The following SNAP47 variants were observed in gnomAD, a reference collection of about 807,000 sequenced individuals.
SNAP47 encodes synaptosome associated protein 47.
Under a neutral mutation model 31.4 loss-of-function variants are expected in SNAP47, and 20 were observed. The ratio of observed to expected loss-of-function variants is 0.64; its 90% CI spans 0.45 to 0.93. The LOEUF (loss-of-function observed/expected upper bound fraction) is 0.93. Ranked by LOEUF, SNAP47 falls within the 40% of genes least tolerant of loss-of-function variation. The probability of loss-of-function intolerance (pLI) is 0.00; values close to 1 mark genes in which losing one functional copy is unlikely to be tolerated. For synonymous variants in SNAP47, 194 were observed against 213.4 expected (o/e 0.91, Z 0.79); for missense variants, 492 against 528.5 (o/e 0.93, Z 0.68).
upstream of SNAP47, chr1:227,733,016 G>A (rs1167395635): frequency 6.2e-7 from 1 of 1,613,392 alleles, no homozygotes; most frequent in Non-Finnish European, 8.5e-7. Flanking sequence ...GGTTGATGGA[G>A]ATGGTGTCAT....
At position 227,756,600 on chromosome 1, in the gene SNAP47, G is replaced by A. The variant is rs117489068; in HGVS notation, c.498-2395G>A. On this transcript the variant is annotated intron_variant, in intron 2 of 4. Transcript: ENST00000617596. The stretch of plus-strand genomic sequence containing the variant: ...ATCCTACCATCCTCAGCAGTGCCCC[G>A]ATGGTGGTGGCTCTGCCCACGTGTA... Among the ~76,000 whole-genome samples the A allele has an allele frequency of 4.6e-3, 694 of 152,328 alleles. 17 individuals are homozygous for A. In the South Asian group the frequency reaches 0.055, roughly 12 times the overall value.
At chr1:227,729,597 C>T (rs1308395565) in intron 1 of SNAP47, among the ~76,000 whole-genome samples, 1 of 152,136 alleles carries the variant, frequency 6.6e-6, no homozygotes, top group Non-Finnish European at 1.5e-5. Flanking sequence ...GGGTAGCTGG[C>T]CAAGGAGCTG....
chr1:227,731,830 G>A, upstream of SNAP47: 1 of 160,522 alleles, frequency 6.2e-6, no homozygotes, highest in Admixed American at 5.7e-5. Flanking sequence ...CAGGGAGGTG[G>A]CAAAGGCCAG....
At chr1:227,776,579 C>G (rs144596525) in intron 4 of SNAP47, 18,302 of 985,500 alleles carry the variant, frequency 0.019, 180 homozygotes, top group South Asian at 0.024. Context: ...AGAGGAACAA[C>G]TGTTTCTAGG....
At chr1:227,768,255 C>G (rs1165907271) in intron 4 of SNAP47, 1 of 985,336 alleles carries the variant, frequency 1.0e-6, no homozygotes, top group East Asian at 1.1e-4. Flanking sequence ...ACAGTTGATT[C>G]CTGGAAAAAG....
intron 1 of SNAP47, chr1:227,735,741 G>T: frequency 1.0e-6 from 1 of 980,518 alleles, no homozygotes; most frequent in Non-Finnish European, 1.2e-6. Context: ...GTGGGACCCA[G>T]AGGGAGAGCT....
At chr1:227,735,365 CCG>C (rs756442398), upstream of SNAP47, 3 of 1,591,870 alleles carry the variant, frequency 1.9e-6, no homozygotes, top group Non-Finnish European at 2.6e-6. Flanking sequence ...ACGCAGGGCG[CCG>C]CGTTTCTGCC....
chr1:227,739,250 T>C (rs1661436535), intron 1 of SNAP47, among the ~76,000 whole-genome samples: 1 of 152,218 alleles, frequency 6.6e-6, no homozygotes, highest in South Asian at 2.1e-4. Context: ...AACCTCTGCC[T>C]TCTGGGCTGA....
upstream of SNAP47, chr1:227,734,886 A>C: frequency 1.3e-6 from 2 of 1,584,444 alleles, no homozygotes; most frequent in Non-Finnish European, 1.7e-6. Flanking sequence ...CTGCAGAGGA[A>C]CTCTCCAGGG....
chr1:227,760,016 G>A lies in SNAP47; in HGVS notation c.988+531G>A, dbSNP rs1486792448. On this transcript the variant is annotated intron_variant, in intron 3 of 4. Transcript: ENST00000617596. ...CCCTTGAGTGTCTCTGCCACAACAC[G>A]AGAGCCCTTGGTGGAAGCCAGGGCA... 3.3e-5 allele frequency among the ~76,000 whole-genome samples: 5 copies of A among 152,194 alleles called. No individual in the cohort carries two copies. The South Asian group carries it at 1.0e-3, about 32-fold the overall frequency.
At chr1:227,779,293 G>T (rs1422876325) in intron 4 of SNAP47, among the ~76,000 whole-genome samples, 1 of 152,212 alleles carries the variant, frequency 6.6e-6, no homozygotes, top group Admixed American at 6.5e-5. Context: ...ATCCCAAGCT[G>T]CATGTGTCCC....
chr1:227,780,634 C>G lies in SNAP47; in HGVS notation c.1221C>G (p.Thr407=). Residue 407 remains threonine, a synonymous_variant, in exon 5 of 5, where the codon ACC becomes ACG. Coordinates refer to ENST00000617596, the MANE Select transcript of SNAP47 (RefSeq NM_053052.4). ...CAGCTGTGGACAGGGCAACCTTGAC[C>G]ATCGACAAGCACAACAGGCGGATGA... The part of the protein sequence containing the change: ...VAAAVDRATL[T]IDKHNRRMKR... 1 of 1,614,194 alleles carries G rather than the reference C, an allele frequency of 6.2e-7. No homozygotes were observed. The highest frequency in any genetic ancestry group is 8.5e-7 in the Non-Finnish European group (1 of 1,180,030).
intron 3 of SNAP47, 80 bp from the exon 4 acceptor site, chr1:227,766,879 C>A (rs1436001921): frequency 1.3e-5 from 21 of 1,574,212 alleles, no homozygotes; most frequent in Non-Finnish European, 1.8e-5. Context: ...GCCTCAAAGA[C>A]CACGCTCTGC....
chr1:227,735,175 G>A, upstream of SNAP47: 1 of 1,581,154 alleles, frequency 6.3e-7, no homozygotes, highest in Non-Finnish European at 8.6e-7. Context: ...CCGGCTCCGA[G>A]ACGAAGGCTA....
At chr1:227,754,747 G>A (rs1021567418) in intron 2 of SNAP47, among the ~76,000 whole-genome samples, 1 of 152,148 alleles carries the variant, frequency 6.6e-6, no homozygotes, top group Non-Finnish European at 1.5e-5. Context: ...GGCCTTTGAG[G>A]GGAACACTGA....
chr1:227,737,186 C>G (rs1210379614), intron 1 of SNAP47, among the ~76,000 whole-genome samples: 2 of 152,300 alleles, frequency 1.3e-5, no homozygotes, highest in East Asian at 3.9e-4. Flanking sequence ...CTGGAGAAAT[C>G]AGCTCAAAGC....
At chr1:227,750,464 G>A (rs1662275770) in intron 2 of SNAP47, among the ~76,000 whole-genome samples, 1 of 152,260 alleles carries the variant, frequency 6.6e-6, no homozygotes, top group Non-Finnish European at 1.5e-5. Flanking sequence ...TGACGACTGG[G>A]CCTTGTGGCC....
Position 227,766,880 on chromosome 1 carries a change from C to A in SNAP47, c.989-79C>A, listed in dbSNP as rs1486253830. The A allele has an allele frequency of 4.4e-6, 7 of 1,574,240 alleles. No individual in the cohort carries two copies. In the East Asian group the frequency reaches 1.6e-4, roughly 36 times the overall value. ...GCGGGAGGAACACCGCCTCAAAGACCACGCTCTGCCATCCAGAGCACACGA... is the reference window on the plus strand; with the variant it reads ...GCGGGAGGAACACCGCCTCAAAGACAACGCTCTGCCATCCAGAGCACACGA... On this transcript the variant is annotated intron_variant, in intron 3 of 4. Transcript: ENST00000617596.
In SNAP47 at chr1:227,776,980, G is replaced by A. The variant is rs570984085; in HGVS notation, c.1114-3547G>A. On this transcript the variant is annotated intron_variant, in intron 4 of 4. Transcript: ENST00000617596. ...TCCGCTTCTATAGGCAGATCAGCTG[G>A]TCTTAGTCACAAATAAATTGTGCAT... is the stretch of plus-strand genomic sequence containing the variant. 11 of 985,312 alleles carry A rather than the reference G, an allele frequency of 1.1e-5. No homozygotes were observed. In the African/African-American group the frequency reaches 1.6e-4, roughly 14 times the overall value. 61.0% of individuals were successfully genotyped at this position (985,312 alleles called of 1,614,324 possible).
Sources: allele counts gnomAD v4.1 joint callset (sites outside exome capture counted in the v4.1 genomes callset), GRCh38; gene constraint gnomAD v4.1.1; transcripts MANE v1.5; gene names NCBI Gene and HGNC (gene_info 2026-07-23, HGNC 2026-07-21).